TMEFF2: variants seen among roughly 807,000 people sequenced by gnomAD.
The protein encoded by TMEFF2 is tomoregulin-2.
A neutral mutation model predicts 53.8 loss-of-function variants in TMEFF2; 28 were observed. The observed-to-expected ratio is 0.52, with a 90% CI of 0.39 to 0.71. The LOEUF is 0.71. TMEFF2 is among the 30% of genes least tolerant of loss of function. The pLI is 0.00. For missense variants in TMEFF2, 353 were observed against 455.2 expected (o/e 0.78, Z 2.04); for synonymous variants, 162 against 166.3 (o/e 0.97, Z 0.20).
In TMEFF2 at chr2:192,117,970, T is replaced by A. The variant is rs766049159; in HGVS notation, c.440-60195A>T. On this transcript the variant is annotated intron_variant, in intron 4 of 9. Transcript: ENST00000272771. ...TGTTTCAATAAATCGGTGCTTTTCT[T>A]TCATTGCTTTGTTTGTGGGCTTTAC... 5.3e-5 allele frequency among the ~76,000 whole-genome samples: 8 copies of A among 151,562 alleles called. 1 individual carries two copies. Among genetic ancestry groups the A allele is most frequent in the African/African-American group, 1.5e-4 (6 of 41,062 alleles).
chr2:192,062,372 C>T (rs1688065093), intron 4 of TMEFF2, among the ~76,000 whole-genome samples: 1 of 152,160 alleles, frequency 6.6e-6, no homozygotes, highest in Non-Finnish European at 1.5e-5. Flanking sequence ...GAATGATACA[C>T]TGCAGGTTAT....
intron 5 of TMEFF2, chr2:192,043,754 A>G (rs1687544711): frequency 6.6e-6 from 1 of 152,272 alleles, no homozygotes; most frequent in East Asian, 1.9e-4. Context: ...TGGTAGGAAA[A>G]GATAAGTGGA....
chr2:192,180,226 T>G (rs971229806), intron 3 of TMEFF2, among the ~76,000 whole-genome samples: 1 of 151,612 alleles, frequency 6.6e-6, no homozygotes, highest in African/African-American at 2.4e-5. Flanking sequence ...AAATCATCCT[T>G]TGTTTTTGAA....
At chr2:192,116,345 ATGT>A (rs1689405092) in intron 4 of TMEFF2, among the ~76,000 whole-genome samples, 1 of 151,986 alleles carries the variant, frequency 6.6e-6, no homozygotes. Context: ...AAATGGGGAG[ATGT>A]TGGTCAAAGA....
chr2:191,977,256 C>A (rs1423025616), intron 7 of TMEFF2, among the ~76,000 whole-genome samples: 1 of 152,164 alleles, frequency 6.6e-6, no homozygotes, highest in African/African-American at 2.4e-5. Context: ...CTGGAGCAGG[C>A]TAGAGGGCAT....
chr2:192,016,376 C>A (rs999540871), intron 5 of TMEFF2, among the ~76,000 whole-genome samples: 2 of 152,162 alleles, frequency 1.3e-5, no homozygotes, highest in African/African-American at 2.4e-5. Context: ...TTGGACACTA[C>A]AGTTTGATCA....
intron 7 of TMEFF2, among the ~76,000 whole-genome samples, chr2:191,995,139 G>C (rs1445090928): frequency 6.6e-6 from 1 of 151,938 alleles, no homozygotes; most frequent in East Asian, 1.9e-4. Flanking sequence ...TTTATTGCAC[G>C]TTTTGGTAAT....
chr2:192,105,746 TA>T (rs539301817), intron 4 of TMEFF2, among the ~76,000 whole-genome samples: 5 of 151,906 alleles, frequency 3.3e-5, no homozygotes, highest in Non-Finnish European at 7.4e-5. Context: ...AAATGGAAGG[TA>T]AAAAAGGATC....
chr2:191,969,237 T>C lies in TMEFF2; in HGVS notation c.746-12859A>G, dbSNP rs1254083430. Among the ~76,000 whole-genome samples the C allele has an allele frequency of 3.3e-5, 5 of 151,858 alleles. 1 individual carries two copies. The highest frequency in any genetic ancestry group is 5.9e-5 in the Non-Finnish European group (4 of 67,966). ...TCAATATATAGAATGAATAAATAAATGAATATTATAGGCATAGGAGATATG... is the reference window on the plus strand; with the variant it reads ...TCAATATATAGAATGAATAAATAAACGAATATTATAGGCATAGGAGATATG... On this transcript the variant is annotated intron_variant, in intron 7 of 9. Coordinates refer to ENST00000272771, the MANE Select transcript of TMEFF2 (RefSeq NM_016192.4).
At chr2:191,994,254 G>C (rs1441227682) in intron 7 of TMEFF2, among the ~76,000 whole-genome samples, 1 of 151,710 alleles carries the variant, frequency 6.6e-6, no homozygotes, top group African/African-American at 2.4e-5. Flanking sequence ...AAATATGGAA[G>C]AAAAATACAA....
chr2:192,081,421 T>G (rs1171395681), intron 4 of TMEFF2, among the ~76,000 whole-genome samples: 1 of 152,220 alleles, frequency 6.6e-6, no homozygotes. Context: ...CCAGCCTTAT[T>G]AATTCTAATT....
intron 5 of TMEFF2, among the ~76,000 whole-genome samples, chr2:192,035,795 T>C (rs912196963): frequency 3.3e-5 from 5 of 152,244 alleles, no homozygotes; most frequent in Admixed American, 6.5e-5. Context: ...TTCTGCCTTT[T>C]ATCAGCTGAA....
chr2:192,002,897 A>G (rs1396776139), intron 5 of TMEFF2, among the ~76,000 whole-genome samples: 5 of 152,204 alleles, frequency 3.3e-5, no homozygotes, highest in Admixed American at 1.3e-4. Context: ...TGACTGGATT[A>G]CCAAGGACCT....
At chr2:192,166,612 T>C (rs1450821731) in intron 4 of TMEFF2, among the ~76,000 whole-genome samples, 1 of 152,106 alleles carries the variant, frequency 6.6e-6, no homozygotes, top group East Asian at 1.9e-4. Context: ...ACCTCTAGTC[T>C]AAGGCTCAGG....
At position 192,132,626 on chromosome 2, in the gene TMEFF2, A is replaced by G. The variant is rs6706761; in HGVS notation, c.439+47042T>C. Among the ~76,000 whole-genome samples the G allele has an allele frequency of 9.6e-3, 1,454 of 152,134 alleles. 21 individuals are homozygous for G. The highest frequency in any genetic ancestry group is 0.033 in the African/African-American group (1,387 of 41,498). On this transcript the variant is annotated intron_variant, in intron 4 of 9. Transcript: ENST00000272771. ...CAAACCCCAGCCACATCTCCAGCAC[A>G]CAAGAACTTCCAAACGCCTGAACTG...
chr2:192,146,892 T>C (rs1690265228), intron 4 of TMEFF2, among the ~76,000 whole-genome samples: 1 of 152,110 alleles, frequency 6.6e-6, no homozygotes, highest in East Asian at 1.9e-4. Context: ...TGCAGGGGAA[T>C]TTTTTATTTG....
At chr2:191,994,793 T>C (rs374918281) in intron 7 of TMEFF2, among the ~76,000 whole-genome samples, 3 of 151,990 alleles carry the variant, frequency 2.0e-5, no homozygotes, top group African/African-American at 7.2e-5. Context: ...AAGTCTTATA[T>C]TGATGAAGGG....
At chr2:192,139,536 G>A (rs529249689) in intron 4 of TMEFF2, among the ~76,000 whole-genome samples, 1 of 152,224 alleles carries the variant, frequency 6.6e-6, no homozygotes, top group Non-Finnish European at 1.5e-5. Context: ...GGGAAATGAT[G>A]GTGAACAGAG....
chr2:192,067,262 G>A (rs1294686803), intron 4 of TMEFF2, among the ~76,000 whole-genome samples: 1 of 151,822 alleles, frequency 6.6e-6, no homozygotes, highest in South Asian at 2.1e-4. Flanking sequence ...AATTACAGGA[G>A]CAAAGTAGGG....
Sources: gnomAD v4.1 joint callset for allele counts (sites outside exome capture counted in the v4.1 genomes callset) on GRCh38, gnomAD v4.1.1 for gene constraint, MANE v1.5 for transcripts, NCBI Gene and HGNC (gene_info 2026-07-23, HGNC 2026-07-21) for gene names.